ABCB8: variants seen among roughly 807,000 people sequenced by gnomAD.
The protein encoded by ABCB8 is mitochondrial potassium channel ATP-binding subunit.
ABCB8 carries 52 observed loss-of-function variants against 73.0 expected under a neutral mutation model. That is an observed-to-expected ratio of 0.71 (90% CI 0.57 to 0.90). The LOEUF (loss-of-function observed/expected upper bound fraction) is 0.90, where lower values mean the gene tolerates loss of function less well. ABCB8 is among the 40% of genes least tolerant of loss of function. The pLI is 0.00. For synonymous variants in ABCB8, 428 were observed against 423.5 expected (o/e 1.01, Z -0.13); for missense variants, 909 against 974.6 (o/e 0.93, Z 0.90).
At chr7:151,041,319 C>A in intron 13 of ABCB8, 87 bp downstream of exon 13, 1 of 1,443,446 alleles carries the variant, frequency 6.9e-7, no homozygotes, top group Admixed American at 2.5e-5. Context: ...CCTTTTCTTT[C>A]TTTCCCACCC....
At chr7:151,034,456 G>C (rs149180972) in intron 3 of ABCB8, 28 bp downstream of exon 3, 1 of 1,613,628 alleles carries the variant, frequency 6.2e-7, no homozygotes, top group Non-Finnish European at 8.5e-7. Flanking sequence ...GCTGGGGACC[G>C]CCGAGGAGCC....
intron 9 of ABCB8, chr7:151,036,959 A>T (rs756725546): frequency 7.6e-5 from 53 of 698,946 alleles, no homozygotes; most frequent in Middle Eastern, 2.3e-4. Context: ...CACAAAACAT[A>T]AAATACAGCA....
In ABCB8 at chr7:151,044,887, T is replaced by G. The variant is rs534653389; in HGVS notation, c.2017-322T>G. Among the ~76,000 whole-genome samples the G allele has an allele frequency of 5.6e-4, 86 of 152,304 alleles. No individual in the cohort carries two copies. The South Asian group carries it at 0.013, about 23-fold the overall frequency. The stretch of plus-strand genomic sequence containing the variant: ...TAGGACCCCAGAGGCCGTGTGGCGT[T>G]GGCTAACAGCCACTCATTCAAGCCA... On this transcript the variant is annotated intron_variant, in intron 15 of 15. Transcript: ENST00000358849.
Position 151,043,624 on chromosome 7 carries a change from G to A in ABCB8, c.1766-347G>A, listed in dbSNP as rs1456494281. Among the ~76,000 whole-genome samples the A allele has an allele frequency of 2.0e-5, 3 of 147,110 alleles. No homozygotes were observed. The East Asian group carries it at 6.1e-4, about 30-fold the overall frequency. On this transcript the variant is annotated intron_variant, in intron 14 of 15. Transcript: ENST00000358849. ...CAGAGGCAGGACTAGGGTGCACAGT[G>A]CAAGGTGGAGGGTCAGAGGCAGGAC...
In ABCB8 at chr7:151,035,693, C is replaced by G. The variant is rs918397787; in HGVS notation, c.878C>G (p.Thr293Ser). The G allele has an allele frequency of 6.2e-7, 1 of 1,613,648 alleles. No individual in the cohort carries two copies. Among genetic ancestry groups the G allele is most frequent in the East Asian group, 2.2e-5 (1 of 44,876 alleles). Residue 293 changes from threonine (T) to serine (S), a missense_variant, in exon 6 of 16, where the codon ACC becomes AGC. By Grantham distance (58) the Thr-to-Ser change is moderately conservative (BLOSUM62 1). Transcript: ENST00000358849. ...VATPALMGVG[T>S]LMGSGLRKLS... The stretch of plus-strand genomic sequence containing the variant: ...ACACCAGCCCTGATGGGAGTGGGCA[C>G]CCTGATGGGCTCAGGCCTCCGAAAA...
rs747474835 is a variant in ABCB8, at chr7:151,035,665, G to A, written c.850G>A (p.Ala284Thr). The change falls in exon 6 of 16, where the codon GCC becomes ACC. Residue 284 changes from alanine (A) to threonine (T), a missense_variant. Coordinates refer to ENST00000358849, the MANE Select transcript of ABCB8 (RefSeq NM_007188.5). ...ACGCCTCACGCTGCTGCTGATGGTG[G>A]CCACACCAGCCCTGATGGGAGTGGG... ...STRLTLLLMV[A>T]TPALMGVGTL... The A allele has an allele frequency of 3.7e-6, 6 of 1,613,388 alleles. No homozygotes were observed. In the Admixed American group the frequency reaches 1.0e-4, roughly 27 times the overall value.
At position 151,035,793 on chromosome 7, in the gene ABCB8, T is replaced by C. The variant is rs374460620; in HGVS notation, c.927+51T>C. 1,937 of 1,610,106 alleles carry C rather than the reference T, an allele frequency of 1.2e-3. 1 individual carries two copies. Among genetic ancestry groups the C allele is most frequent in the Admixed American group, 1.6e-3 (96 of 60,022 alleles). ...TCACCCTCCCCACACCGTTTCTCTT[T>C]CCACTCCCCGGAACTCCTCCCTGTC... is the stretch of plus-strand genomic sequence containing the variant. On this transcript the variant is annotated intron_variant, in intron 6 of 15. Transcript: ENST00000358849.
chr7:151,041,985 A>G lies in ABCB8; in HGVS notation c.1642A>G (p.Ile548Val), dbSNP rs773380971. Residue 548 changes from isoleucine (I) to valine (V), a missense_variant, in exon 14 of 16, where the codon ATC (isoleucine) becomes GTC (valine). Transcript: ENST00000358849. Reference sequence around the variant, plus strand: ...GGAGCCCGTCCTGTTTGGGACGACCATCATGGAAAACATCCGCTTTGGGAA... The same window carrying G: ...GGAGCCCGTCCTGTTTGGGACGACCGTCATGGAAAACATCCGCTTTGGGAA... ...SQEPVLFGTT[I>V]MENIRFGKLE... The G allele has an allele frequency of 5.6e-6, 9 of 1,612,892 alleles. No homozygotes were observed. The South Asian group carries it at 9.9e-5, about 18-fold the overall frequency.
At position 151,028,470 on chromosome 7, in the gene ABCB8, AG is replaced by A; in HGVS notation, c.-43del. ...CCAACATAGAGCCCTCAGTGGGATG[AG>A]GGTGAAACTGCTATTGCCGGCGGCT... On this transcript the variant is annotated 5_prime_UTR_variant, in exon 1 of 16. An upstream open reading frame in the 5' UTR gains an earlier in-frame stop. Coordinates refer to ENST00000358849, the MANE Select transcript of ABCB8 (RefSeq NM_007188.5). The A allele has an allele frequency of 6.3e-7, 1 of 1,579,928 alleles. No individual in the cohort carries two copies. Among genetic ancestry groups the A allele is most frequent in the South Asian group, 1.2e-5 (1 of 86,252 alleles).
In ABCB8 at chr7:151,035,627, C is replaced by G; in HGVS notation, c.812C>G (p.Ser271Cys). ...TQVAGCLVSL[S>C]MLSTRLTLLL... ...GTGGCAGGCTGCCTGGTGTCCCTGTCCATGCTGTCGACACGCCTCACGCTG... is the reference window on the plus strand; with the variant it reads ...GTGGCAGGCTGCCTGGTGTCCCTGTGCATGCTGTCGACACGCCTCACGCTG... Residue 271 changes from serine to cysteine, a missense_variant, in exon 6 of 16, where the codon TCC becomes TGC. By Grantham distance (112) the Ser-to-Cys change is moderately radical. Transcript: ENST00000358849. 6.2e-7 allele frequency: 1 copy of G among 1,608,028 alleles called. No homozygotes were observed. Among genetic ancestry groups the G allele is most frequent in the East Asian group, 2.2e-5 (1 of 44,696 alleles).
Position 151,035,695 on chromosome 7 carries a change from C to T in ABCB8, c.880C>T (p.Leu294=), listed in dbSNP as rs929910278. ...ATPALMGVGT[L]MGSGLRKLSR... Reference sequence around the variant, plus strand: ...ACCAGCCCTGATGGGAGTGGGCACCCTGATGGGCTCAGGCCTCCGAAAATT... The same window carrying T: ...ACCAGCCCTGATGGGAGTGGGCACCTTGATGGGCTCAGGCCTCCGAAAATT... The change falls in exon 6 of 16, where the codon CTG becomes TTG. Residue 294 remains leucine (L), a synonymous_variant. Transcript: ENST00000358849. 3.1e-6 allele frequency: 5 copies of T among 1,613,592 alleles called. No homozygotes were observed. Among genetic ancestry groups the T allele is most frequent in the Admixed American group, 1.7e-5 (1 of 60,004 alleles).
At chr7:151,040,325 G>A in intron 10 of ABCB8, 24 bp downstream of exon 10, 1 of 1,612,006 alleles carries the variant, frequency 6.2e-7, no homozygotes, top group South Asian at 1.1e-5. Flanking sequence ...AGGGTGGAGG[G>A]CCTGGGGTGT....
Position 151,040,823 on chromosome 7 carries a change from C to G in ABCB8, c.1389-5C>G, listed in dbSNP as rs1206386160. ...TCTGACTGGGGGTCTCTCGGCTCCTCCCAGCTACCCCTGCCGCCCCGGCTT... is the reference window on the plus strand; with the variant it reads ...TCTGACTGGGGGTCTCTCGGCTCCTGCCAGCTACCCCTGCCGCCCCGGCTT... On this transcript the variant is annotated splice_region_variant and splice_polypyrimidine_tract_variant and intron_variant, in intron 11 of 15. Transcript: ENST00000358849. The G allele has an allele frequency of 6.3e-7, 1 of 1,589,310 alleles. No individual in the cohort carries two copies.
At chr7:151,040,360 G>A (rs1355919968) in intron 10 of ABCB8, 59 bp downstream of exon 10, 1 of 1,604,088 alleles carries the variant, frequency 6.2e-7, no homozygotes. Context: ...GTGTGCCGCT[G>A]TGGGAGCTGC....
rs1796626072 is a variant in ABCB8 at position 151,046,854 on chromosome 7, A to G, written c.*1505A>G. On this transcript the variant is annotated 3_prime_UTR_variant, in exon 16 of 16. Coordinates refer to ENST00000358849, the MANE Select transcript of ABCB8 (RefSeq NM_007188.5). Reference sequence around the variant, plus strand: ...CGGGCTCTTGTGGGTGTGGTTTAGAACTAGATGGTGCTTTGGGGACAAGCC... The same window carrying G: ...CGGGCTCTTGTGGGTGTGGTTTAGAGCTAGATGGTGCTTTGGGGACAAGCC... The G allele has an allele frequency of 6.6e-6, 1 of 152,208 alleles. No homozygotes were observed. The highest frequency in any genetic ancestry group is 6.5e-5 in the Admixed American group (1 of 15,284). The allele number at this position is 152,208 out of a possible 1,614,324, so 9.4% of individuals were successfully genotyped here. A position where few individuals can be genotyped will look rare whatever the true frequency, so the allele number is the denominator to read the frequency against.
At position 151,035,722 on chromosome 7, in the gene ABCB8, T is replaced by G. The variant is rs377745915; in HGVS notation, c.907T>G (p.Ser303Ala). Residue 303 changes from serine to alanine, a missense_variant, in exon 6 of 16, where the codon TCT becomes GCT. Ser to Ala is a moderately conservative substitution (Grantham distance 99, BLOSUM62 1). Transcript: ENST00000358849. ...TLMGSGLRKLSRQCQEQIARA... is the reference protein window; with the variant it reads ...TLMGSGLRKLARQCQEQIARA... Reference sequence around the variant, plus strand: ...GATGGGCTCAGGCCTCCGAAAATTGTCTCGCCAGTGTCAGGAGCAGGTACC... The same window carrying G: ...GATGGGCTCAGGCCTCCGAAAATTGGCTCGCCAGTGTCAGGAGCAGGTACC... 165 of 1,613,336 alleles carry G rather than the reference T, an allele frequency of 1.0e-4. No homozygotes were observed. Among genetic ancestry groups the G allele is most frequent in the Middle Eastern group, 1.6e-4 (1 of 6,084 alleles).
intron 9 of ABCB8, chr7:151,037,477 A>G (rs1796341570): frequency 4.8e-6 from 3 of 626,128 alleles, no homozygotes; most frequent in Non-Finnish European, 5.8e-6. Flanking sequence ...TGATCACCAG[A>G]CAGCTCAAGG....
In ABCB8 at chr7:151,044,154, C is replaced by G; in HGVS notation, c.1949C>G (p.Ala650Gly). ...GCAGGCCGCACGGTGCTGGTAATTG[C>G]CCACCGGCTCAGCACTGTCCGTGGG... ...ASAGRTVLVI[A>G]HRLSTVRGAH... Residue 650 changes from alanine to glycine, a missense_variant, in exon 15 of 16, where the codon GCC becomes GGC. Coordinates refer to ENST00000358849, the MANE Select transcript of ABCB8 (RefSeq NM_007188.5). The G allele has an allele frequency of 6.2e-7, 1 of 1,613,926 alleles. No individual in the cohort carries two copies. Among genetic ancestry groups the G allele is most frequent in the Non-Finnish European group, 8.5e-7 (1 of 1,179,904 alleles).
At position 151,034,769 on chromosome 7, in the gene ABCB8, G is replaced by A. The variant is rs774719165; in HGVS notation, c.705G>A (p.Val235=). ...FFDANKTGQL[V]SRLTTDVQEF... Reference sequence around the variant, plus strand: ...ACGCCAATAAGACAGGGCAGCTGGTGAGCCGCTTGACAACTGACGTGCAGG... The same window carrying A: ...ACGCCAATAAGACAGGGCAGCTGGTAAGCCGCTTGACAACTGACGTGCAGG... Residue 235 remains valine (V), a synonymous_variant, in exon 5 of 16, where the codon GTG becomes GTA. Transcript: ENST00000358849. 65 of 1,613,996 alleles carry A rather than the reference G, an allele frequency of 4.0e-5. 1 individual carries two copies. The South Asian group carries it at 6.3e-4, about 16-fold the overall frequency.
Sources: gnomAD v4.1 joint callset for allele counts (sites outside exome capture counted in the v4.1 genomes callset) on GRCh38, gnomAD v4.1.1 for gene constraint, MANE v1.5 for transcripts, NCBI Gene and HGNC (gene_info 2026-07-23, HGNC 2026-07-21) for gene names.